Variants in CDKL1 observed in about 807,000 individuals in gnomAD.
CDKL1 encodes the protein cyclin dependent kinase like 1.
Under a neutral mutation model 42.0 loss-of-function variants are expected in CDKL1, and 41 were observed. The observed-to-expected ratio is 0.98, with a 90% CI of 0.76 to 1.27. CDKL1 has a LOEUF of 1.27. CDKL1 is among the 50% of genes most tolerant of loss of function. The probability of loss-of-function intolerance (pLI) is 0.00; values close to 1 mark genes in which losing one functional copy is unlikely to be tolerated. For synonymous variants in CDKL1, 153 were observed against 158.6 expected, an observed-to-expected ratio of 0.96 and a Z score of 0.26; for missense variants, 394 against 428.4, an observed-to-expected ratio of 0.92 and a Z score of 0.71.
intron 2 of CDKL1, chr14:50,378,085 C>G: frequency 1.7e-6 from 2 of 1,156,784 alleles, no homozygotes; most frequent in South Asian, 2.8e-5. Context: ...CGAGAAAGAG[C>G]CTGAGAATCT....
chr14:50,342,984 G>T, intron 4 of CDKL1: 1 of 1,355,928 alleles, frequency 7.4e-7, no homozygotes, highest in Non-Finnish European at 9.8e-7. Flanking sequence ...CTCGAGATGC[G>T]GCCCCCCCTC....
intron 2 of CDKL1, chr14:50,390,264 G>T (rs535431727): frequency 1.8e-4 from 242 of 1,366,112 alleles, no homozygotes; most frequent in Non-Finnish European, 1.7e-5. Flanking sequence ...ATATTTTAAC[G>T]CCCCCATACC....
chr14:50,338,836 T>G (rs978765479), intron 7 of CDKL1, 111 bp downstream of exon 7: 2 of 745,460 alleles, frequency 2.7e-6, no homozygotes, highest in Non-Finnish European at 4.9e-6. Context: ...TTTCTTTTTC[T>G]CTGTTAGACT....
At chr14:50,338,608 G>T (rs2033394463) in intron 7 of CDKL1, among the ~76,000 whole-genome samples, 1 of 152,066 alleles carries the variant, frequency 6.6e-6, no homozygotes, top group South Asian at 2.1e-4. Flanking sequence ...GGACAATGCT[G>T]GGGAAAAACT....
At chr14:50,339,113 C>T in intron 6 of CDKL1, 84 bp from the exon 7 acceptor site, 1 of 976,242 alleles carries the variant, frequency 1.0e-6, no homozygotes, top group Non-Finnish European at 1.7e-6. Flanking sequence ...CTGTGTTTGT[C>T]TGTGCCCATA....
At chr14:50,357,575 T>G (rs530554263) in intron 3 of CDKL1, among the ~76,000 whole-genome samples, 13 of 152,106 alleles carry the variant, frequency 8.5e-5, no homozygotes, top group Admixed American at 1.3e-4. Context: ...TAAAGTCTCC[T>G]CCCCTTTCAA....
chr14:50,332,252 A>G lies in CDKL1; in HGVS notation c.966+10T>C. 1 of 1,614,128 alleles carries G rather than the reference A, an allele frequency of 6.2e-7. No individual in the cohort carries two copies. The highest frequency in any genetic ancestry group is 1.6e-4 in the Middle Eastern group (1 of 6,062). ...CAGGTGGCAGGTAGGAGATCATTTC[A>G]AATTATAACCTTGGATGTTTCTGTA... is the stretch of plus-strand genomic sequence containing the variant. On this transcript the variant is annotated intron_variant, in intron 9 of 9. Coordinates refer to ENST00000395834, the MANE Select transcript of CDKL1 (RefSeq NM_004196.7).
chr14:50,379,521 G>C (rs1004567017), intron 2 of CDKL1, among the ~76,000 whole-genome samples: 2 of 152,212 alleles, frequency 1.3e-5, no homozygotes, highest in Admixed American at 6.5e-5. Context: ...AGATTCCAGA[G>C]TGGCAGAGAC....
intron 7 of CDKL1, among the ~76,000 whole-genome samples, chr14:50,337,681 C>CTTTTT (rs71118872): frequency 7.5e-6 from 1 of 133,582 alleles, no homozygotes. Flanking sequence ...TTTTTTCTTT[C>CTTTTT]TTTTTTTTTT....
intron 2 of CDKL1, among the ~76,000 whole-genome samples, chr14:50,381,408 G>A (rs1317404235): frequency 2.0e-5 from 3 of 152,174 alleles, no homozygotes; most frequent in Non-Finnish European, 2.9e-5. Flanking sequence ...GTGACAAAGA[G>A]GTAGCTCCTT....
chr14:50,389,273 A>C (rs2035182294), intron 2 of CDKL1, among the ~76,000 whole-genome samples: 2 of 152,048 alleles, frequency 1.3e-5, no homozygotes, highest in South Asian at 4.1e-4. Context: ...AATTAAAATC[A>C]AATGAGAGCC....
chr14:50,350,320 T>C (rs1339160067), intron 3 of CDKL1, among the ~76,000 whole-genome samples: 1 of 152,242 alleles, frequency 6.6e-6, no homozygotes. Context: ...GTGGCTGAGC[T>C]CTAGGGCAGA....
intron 5 of CDKL1, 138 bp downstream of exon 5, chr14:50,341,994 C>T: frequency 1.5e-6 from 1 of 679,690 alleles, no homozygotes; most frequent in Non-Finnish European, 2.5e-6. Context: ...TCGGTAATTA[C>T]AAAATTATAA....
Position 50,329,052 on chromosome 14 carries a change from TATATATATATACATACAC to T in CDKL1, c.*1004_*1021del, listed in dbSNP as rs1190419562. On this transcript the variant is annotated 3_prime_UTR_variant, in exon 10 of 10. Transcript: ENST00000395834. Reference sequence around the variant, plus strand: ...TTAGAATAGCATATATATATATATATATATATATATACATACACATACATACACATACAAACATAGTGC... The same window carrying T: ...TTAGAATAGCATATATATATATATATATACATACACATACAAACATAGTGC... The T allele has an allele frequency of 3.6e-4, 54 of 149,178 alleles. No individual in the cohort carries two copies. Among genetic ancestry groups the T allele is most frequent in the African/African-American group, 1.2e-3 (50 of 40,816 alleles). 9.2% of individuals were successfully genotyped at this position (149,178 alleles called of 1,614,324 possible). A position where few individuals can be genotyped will look rare whatever the true frequency, so the allele number is the denominator to read the frequency against.
intron 2 of CDKL1, among the ~76,000 whole-genome samples, chr14:50,373,264 A>G (rs1483208843): frequency 2.7e-4 from 41 of 152,212 alleles, no homozygotes; most frequent in Admixed American, 2.7e-3. Flanking sequence ...AAGAAGTCTT[A>G]TTTATGTATT....
At chr14:50,385,254 G>A (rs1228887986) in intron 2 of CDKL1, among the ~76,000 whole-genome samples, 1 of 152,078 alleles carries the variant, frequency 6.6e-6, no homozygotes, top group Non-Finnish European at 1.5e-5. Flanking sequence ...AAAACTGATA[G>A]TACCAATTAG....
intron 2 of CDKL1, among the ~76,000 whole-genome samples, chr14:50,367,282 G>A (rs191402678): frequency 6.6e-6 from 1 of 152,332 alleles, no homozygotes; most frequent in East Asian, 1.9e-4. Flanking sequence ...GGTTGGGGTC[G>A]AGTGACCTTA....
chr14:50,330,193 A>G lies in CDKL1; in HGVS notation c.967-12T>C. 2.5e-6 allele frequency: 4 copies of G among 1,598,544 alleles called. No homozygotes were observed. Among genetic ancestry groups the G allele is most frequent in the Non-Finnish European group, 3.4e-6 (4 of 1,176,944 alleles). The stretch of plus-strand genomic sequence containing the variant: ...GGTAGGTACTGCAACTAAAAATGCA[A>G]AACACAGAATTAGGTTCAAAACTGT... On this transcript the variant is annotated splice_polypyrimidine_tract_variant and intron_variant, in intron 9 of 9. Coordinates refer to ENST00000395834, the MANE Select transcript of CDKL1 (RefSeq NM_004196.7).
At chr14:50,337,113 G>T (rs1008346294) in intron 7 of CDKL1, among the ~76,000 whole-genome samples, 1 of 151,888 alleles carries the variant, frequency 6.6e-6, no homozygotes, top group Non-Finnish European at 1.5e-5. Flanking sequence ...AGGTCAAGCC[G>T]TCTTCCCACC....
Sources: gnomAD v4.1 joint callset for allele counts (sites outside exome capture counted in the v4.1 genomes callset) on GRCh38, gnomAD v4.1.1 for gene constraint, MANE v1.5 for transcripts, NCBI Gene and HGNC (gene_info 2026-07-23, HGNC 2026-07-21) for gene names.